Variants in HGS observed in about 807,000 individuals in gnomAD.
HGS encodes the protein hepatocyte growth factor-regulated tyrosine kinase substrate.
HGS carries 63 observed loss-of-function variants against 109.7 expected under a neutral mutation model. That is an observed-to-expected ratio of 0.57 (90% CI 0.47 to 0.71). HGS has a LOEUF of 0.71. Ranked by LOEUF, HGS falls within the 30% of genes least tolerant of loss-of-function variation. The pLI, the probability that HGS is intolerant of heterozygous loss-of-function variation, is 0.00. For synonymous variants in HGS, 546 were observed against 437.3 expected (o/e 1.25, Z -3.10); for missense variants, 995 against 1,068.3 (o/e 0.93, Z 0.96).
intron 4 of HGS, among the ~76,000 whole-genome samples, 178 bp downstream of exon 4, chr17:81,687,273 G>A (rs2036994303): frequency 1.3e-5 from 2 of 152,370 alleles, no homozygotes; most frequent in Admixed American, 6.5e-5. Flanking sequence ...AGGGCCGTGA[G>A]CCCCAATCCA....
chr17:81,700,105 G>C (rs1174420187), intron 18 of HGS, among the ~76,000 whole-genome samples: 1 of 151,604 alleles, frequency 6.6e-6, no homozygotes, highest in Non-Finnish European at 1.5e-5. Context: ...GGTGGCTCAC[G>C]CCTGTAATCC....
At chr17:81,687,277 C>T (rs1384412449) in intron 4 of HGS, among the ~76,000 whole-genome samples, 182 bp downstream of exon 4, 1 of 152,206 alleles carries the variant, frequency 6.6e-6, no homozygotes, top group Non-Finnish European at 1.5e-5. Flanking sequence ...CCGTGAGCCC[C>T]AATCCAGGGA....
At position 81,691,199 on chromosome 17, in the gene HGS, T is replaced by C; in HGVS notation, c.538-248T>C. The stretch of plus-strand genomic sequence containing the variant: ...TCTTGTTTTATCAGCAGAATTGATG[T>C]GTATTTTTTCCTTGCCCTTACTTTT... On this transcript the variant is annotated intron_variant, in intron 7 of 21. Coordinates refer to ENST00000329138, the MANE Select transcript of HGS (RefSeq NM_004712.5). This position sits in a 1 kb window ranked among gnomAD's most constrained non-coding sequence, Gnocchi z 5.3. The C allele has an allele frequency of 3.8e-6, 2 of 526,226 alleles. No homozygotes were observed. The highest frequency in any genetic ancestry group is 4.4e-5 in the South Asian group (2 of 45,198). 32.6% of individuals were successfully genotyped at this position (526,226 alleles called of 1,614,324 possible).
rs1162261490 is a variant in HGS at position 81,695,241 on chromosome 17, CCA to C, written c.1179+20_1179+21del. ...TTAGTGAGGTAAGCTGTGGCTCCCT[CCA>C]CGGGCCAGGGCAAAACATGGCCTCC... On this transcript the variant is annotated intron_variant, in intron 14 of 21. Coordinates refer to ENST00000329138, the MANE Select transcript of HGS (RefSeq NM_004712.5). 9 of 1,613,256 alleles carry C rather than the reference CCA, an allele frequency of 5.6e-6. No individual in the cohort carries two copies. The East Asian group carries it at 2.0e-4, about 36-fold the overall frequency.
Position 81,684,017 on chromosome 17 carries a change from G to T in HGS, c.-50G>T, listed in dbSNP as rs1219932863. ...GAAGCGGAAGTCGGGGGGCGCGCCA[G>T]CTCGTAGCAGGGGAGCGCCCGCGGC... On this transcript the variant is annotated 5_prime_UTR_variant, in exon 1 of 22. Transcript: ENST00000329138. The T allele has an allele frequency of 3.8e-5, 60 of 1,568,332 alleles. No homozygotes were observed. The highest frequency in any genetic ancestry group is 5.0e-5 in the Non-Finnish European group (58 of 1,160,964).
chr17:81,695,285 G>A lies in HGS; in HGVS notation c.1179+62G>A, dbSNP rs1375453879. On this transcript the variant is annotated intron_variant, in intron 14 of 21. Transcript: ENST00000329138. Reference sequence around the variant, plus strand: ...ATGGCCTCCTGGCCCACAGCGCCAGGCACATGGCACAGGTGCCTGCCCTAA... The same window carrying A: ...ATGGCCTCCTGGCCCACAGCGCCAGACACATGGCACAGGTGCCTGCCCTAA... 3 of 1,548,454 alleles carry A rather than the reference G, an allele frequency of 1.9e-6. No individual in the cohort carries two copies. The African/African-American group carries it at 4.1e-5, about 21-fold the overall frequency.
At chr17:81,689,571 T>A (rs2037033293) in intron 5 of HGS, among the ~76,000 whole-genome samples, 1 of 151,972 alleles carries the variant, frequency 6.6e-6, no homozygotes, top group African/African-American at 2.4e-5. Context: ...TGGCCCTGAG[T>A]CTGCTGAAGA....
In HGS at chr17:81,701,700, C is replaced by T; in HGVS notation, c.*82C>T. 1 of 1,492,724 alleles carries T rather than the reference C, an allele frequency of 6.7e-7. No individual in the cohort carries two copies. The highest frequency in any genetic ancestry group is 8.9e-7 in the Non-Finnish European group (1 of 1,117,398). The allele number at this position is 1,492,724 out of a possible 1,614,324, so 92.5% of individuals were successfully genotyped here. A position where few individuals can be genotyped will look rare whatever the true frequency, so the allele number is the denominator to read the frequency against. On this transcript the variant is annotated 3_prime_UTR_variant, in exon 22 of 22. Transcript: ENST00000329138. ...GTCTCTAACTGCCGTCGTCCTGCCT[C>T]CCTGTCCTCTACTGCCGGTAGTGTC... is the stretch of plus-strand genomic sequence containing the variant.
At chr17:81,700,964 T>C in intron 20 of HGS, 81 bp from the exon 21 acceptor site, 2 of 1,540,558 alleles carry the variant, frequency 1.3e-6, no homozygotes, top group South Asian at 1.1e-5. Flanking sequence ...GTGGTCACCT[T>C]TGGATTGTTG....
intron 5 of HGS, among the ~76,000 whole-genome samples, chr17:81,689,586 G>A (rs140437518): frequency 5.8e-4 from 88 of 152,310 alleles, no homozygotes; most frequent in African/African-American, 2.0e-3. Flanking sequence ...TGAAGACGAG[G>A]CTGAGAGCGT....
chr17:81,699,501 C>T (rs1389989162), intron 18 of HGS, among the ~76,000 whole-genome samples: 2 of 152,250 alleles, frequency 1.3e-5, no homozygotes, highest in Admixed American at 6.5e-5. Flanking sequence ...CGTCAGCTCA[C>T]GGCATTCTCC....
chr17:81,685,134 C>T, intron 1 of HGS: 1 of 917,500 alleles, frequency 1.1e-6, no homozygotes, highest in Non-Finnish European at 1.3e-6. Context: ...TGGCTTGGAG[C>T]AAGGGGCCTG....
Position 81,691,537 on chromosome 17 carries a change from C to T in HGS, c.628C>T (p.Arg210Cys). ...CAAGTTTGGCATCGAGAAGGAGGTG[C>T]GCGTGTGTGAGCCCTGCTACGAGCA... ...IPKFGIEKEVRVCEPCYEQLN... is the reference protein window; with the variant it reads ...IPKFGIEKEVCVCEPCYEQLN... Residue 210 changes from arginine (R) to cysteine (C), a missense_variant, in exon 8 of 22, where the codon CGC becomes TGC. By Grantham distance (180) the Arg-to-Cys change is radical (BLOSUM62 -3). Coordinates refer to ENST00000329138, the MANE Select transcript of HGS (RefSeq NM_004712.5). The surrounding 1 kb of genome is among the most constrained non-coding windows in gnomAD (Gnocchi z 5.3). 2 of 1,614,090 alleles carry T rather than the reference C, an allele frequency of 1.2e-6. No homozygotes were observed. Among genetic ancestry groups the T allele is most frequent in the South Asian group, 1.1e-5 (1 of 91,084 alleles).
chr17:81,699,165 C>T (rs923585664), intron 18 of HGS, among the ~76,000 whole-genome samples: 1 of 152,142 alleles, frequency 6.6e-6, no homozygotes, highest in Non-Finnish European at 1.5e-5. Context: ...CTCAATTGCT[C>T]AGCCCTAGAA....
rs553696236 is a variant in HGS at position 81,691,978 on chromosome 17, C to T, written c.662+407C>T. Reference sequence around the variant, plus strand: ...GGTGCCTCGGCGGTCGGTGTTTTGTCGCAGAGTTTACTCTGCCTCCCCTCT... The same window carrying T: ...GGTGCCTCGGCGGTCGGTGTTTTGTTGCAGAGTTTACTCTGCCTCCCCTCT... On this transcript the variant is annotated intron_variant, in intron 8 of 21. Transcript: ENST00000329138. This position sits in a 1 kb window ranked among gnomAD's most constrained non-coding sequence, Gnocchi z 5.3. 2.3e-3 allele frequency: 444 copies of T among 195,142 alleles called. No homozygotes were observed. The highest frequency in any genetic ancestry group is 9.7e-3 in the African/African-American group (420 of 43,454). 12.1% of individuals were successfully genotyped at this position (195,142 alleles called of 1,614,324 possible).
At chr17:81,701,193 GCAATGGGAC>G (rs2037232043) in intron 21 of HGS, 62 bp downstream of exon 21, 1 of 1,443,514 alleles carries the variant, frequency 6.9e-7, no homozygotes, top group African/African-American at 1.4e-5. Flanking sequence ...TCACGGTTTA[GCAATGGGAC>G]CCCTGGCCCC....
Position 81,693,545 on chromosome 17 carries a change from C to G in HGS, c.705C>G (p.Pro235=). The G allele has an allele frequency of 6.2e-7, 1 of 1,613,108 alleles. No homozygotes were observed. The highest frequency in any genetic ancestry group is 8.5e-7 in the Non-Finnish European group (1 of 1,179,616). Residue 235 remains proline, a synonymous_variant, in exon 9 of 22, where the codon CCC becomes CCG. Transcript: ENST00000329138. The stretch of plus-strand genomic sequence containing the variant: ...CCACTTCCACCACTGAGCTGCCCCC[C>G]GAGTACCTGACCAGCCCCCTGTCTC... The part of the protein sequence containing the change: ...GKATSTTELP[P]EYLTSPLSQQ...
intron 14 of HGS, 100 bp from the exon 15 acceptor site, chr17:81,695,686 C>T (rs1746003425): frequency 1.9e-6 from 2 of 1,073,120 alleles, no homozygotes; most frequent in Non-Finnish European, 2.9e-6. Context: ...ATGGACTCTG[C>T]TCCAGGCTTG....
chr17:81,696,622 C>T lies in HGS; in HGVS notation c.1582C>T (p.Gln528Ter), dbSNP rs986545707. ...RQKKQEYLEV[Q>*]RQLAIQRLQE... The stretch of plus-strand genomic sequence containing the variant: ...TGCCGCACAGGAGTACCTGGAGGTG[C>T]AGAGGCAGCTGGCCATCCAGCGCCT... The change falls in exon 17 of 22, where the codon CAG becomes TAG. Residue 528 changes from glutamine (Q) to a stop codon, truncating the protein, a stop_gained. Transcript: ENST00000329138. LOFTEE classifies it high-confidence loss of function. The T allele has an allele frequency of 1.9e-6, 3 of 1,608,464 alleles. No individual in the cohort carries two copies. The highest frequency in any genetic ancestry group is 1.3e-5 in the African/African-American group (1 of 74,904).
Sources: gnomAD v4.1 joint callset for allele counts (sites outside exome capture counted in the v4.1 genomes callset) on GRCh38, gnomAD v4.1.1 for gene constraint, Gnocchi (gnomAD v3.1) non-coding constraint, MANE v1.5 for transcripts, NCBI Gene and HGNC (gene_info 2026-07-23, HGNC 2026-07-21) for gene names.